Variants in ARID1B observed in about 807,000 individuals in gnomAD.
The protein encoded by ARID1B is AT-rich interactive domain-containing protein 1B.
A neutral mutation model predicts 212.3 loss-of-function variants in ARID1B; 30 were observed. That is an observed-to-expected ratio of 0.14 (90% confidence interval 0.11 to 0.19). The LOEUF is 0.19. Among genes scored for constraint, ARID1B ranks in the 10% least tolerant of loss-of-function variants. The pLI, the probability that ARID1B is intolerant of heterozygous loss-of-function variation, is 1.00. For synonymous variants in ARID1B, 1,402 were observed against 1,301.7 expected (o/e 1.08, Z -1.66); for missense variants, 2,891 against 3,204.0 (o/e 0.90, Z 2.36).
At chr6:157,136,627 C>T (rs1420311307) in intron 7 of ARID1B, among the ~76,000 whole-genome samples, 4 of 152,106 alleles carry the variant, frequency 2.6e-5, no homozygotes, top group African/African-American at 4.8e-5. Flanking sequence ...TTTGGGAGTC[C>T]GAGACGGGTG....
At chr6:156,882,522 C>T (rs1295464553) in intron 2 of ARID1B, among the ~76,000 whole-genome samples, 2 of 152,146 alleles carry the variant, frequency 1.3e-5, no homozygotes, top group East Asian at 1.9e-4. Context: ...GAAAACAAAG[C>T]GTAGCTACAG....
intron 2 of ARID1B, among the ~76,000 whole-genome samples, chr6:156,862,867 A>G (rs1333991142): frequency 2.0e-5 from 3 of 152,264 alleles, no homozygotes; most frequent in Non-Finnish European, 4.4e-5. Flanking sequence ...ATAGTGAATG[A>G]CAGAACAGAT....
chr6:156,885,646 A>G (rs894807296), intron 2 of ARID1B, among the ~76,000 whole-genome samples: 4 of 152,166 alleles, frequency 2.6e-5, no homozygotes, highest in African/African-American at 9.7e-5. Flanking sequence ...AAGGGAAATA[A>G]CTGAATTATT....
rs367616374 is a variant in ARID1B, at chr6:157,207,894, T to C, written c.*3T>C. On this transcript the variant is annotated 3_prime_UTR_variant, in exon 20 of 20. Transcript: ENST00000636930. This position sits in a 1 kb window ranked among gnomAD's most constrained non-coding sequence, Gnocchi z 8.5. ...TGTTTCAGATTGGGCAGTTATGACA[T>C]AAGTGAGAAGGCAAGCATGTGTGAG... 214 of 1,483,040 alleles carry C rather than the reference T, an allele frequency of 1.4e-4. No homozygotes were observed. Among genetic ancestry groups the C allele is most frequent in the Non-Finnish European group, 1.8e-4 (205 of 1,113,604 alleles). 91.9% of individuals were successfully genotyped at this position (1,483,040 alleles called of 1,614,324 possible).
intron 4 of ARID1B, among the ~76,000 whole-genome samples, chr6:156,946,321 G>A (rs1352435122): frequency 6.6e-6 from 1 of 151,986 alleles, no homozygotes; most frequent in Non-Finnish European, 1.5e-5. Context: ...GCCGTGAGCC[G>A]AGATTGTGCC....
chr6:156,785,355 T>C (rs1779560827), intron 1 of ARID1B, among the ~76,000 whole-genome samples: 1 of 152,180 alleles, frequency 6.6e-6, no homozygotes, highest in African/African-American at 2.4e-5. Flanking sequence ...CTTCTCAGTG[T>C]CTTCCTGGGC....
chr6:157,075,453 C>A (rs1784242705), intron 4 of ARID1B, among the ~76,000 whole-genome samples: 2 of 152,008 alleles, frequency 1.3e-5, no homozygotes, highest in African/African-American at 2.4e-5. Flanking sequence ...TATATATCAC[C>A]CAAAATGTTT....
At chr6:156,783,881 C>T (rs1779452638) in intron 1 of ARID1B, among the ~76,000 whole-genome samples, 1 of 152,078 alleles carries the variant, frequency 6.6e-6, no homozygotes, top group Non-Finnish European at 1.5e-5. Context: ...GGAAAAGGGA[C>T]TGATATTTCA....
At chr6:157,007,668 C>T (rs1245251134) in intron 4 of ARID1B, among the ~76,000 whole-genome samples, 1 of 151,132 alleles carries the variant, frequency 6.6e-6, no homozygotes, top group Non-Finnish European at 1.5e-5. Flanking sequence ...TGTGGAACAT[C>T]AGTGTTTTTG....
Position 156,822,501 on chromosome 6 carries a change from G to A in ARID1B, c.1792-6726G>A, listed in dbSNP as rs1262934898. 9.8e-5 allele frequency among the ~76,000 whole-genome samples: 15 copies of A among 152,328 alleles called. No homozygotes were observed. In the East Asian group the frequency reaches 2.9e-3, roughly 29 times the overall value. On this transcript the variant is annotated intron_variant, in intron 1 of 19. Transcript: ENST00000636930. ...CATTGGGCATGAGAGAATCTCTTTG[G>A]CGATTACATTCTGCAGTAGTGGTGG...
At chr6:157,106,742 C>T (rs551037331) in intron 5 of ARID1B, among the ~76,000 whole-genome samples, 28 of 152,270 alleles carry the variant, frequency 1.8e-4, no homozygotes, top group Admixed American at 1.3e-3. Flanking sequence ...GGGGATTACT[C>T]ACCGGTGTTA....
intron 4 of ARID1B, chr6:157,023,534 C>G (rs576062399): frequency 6.6e-6 from 1 of 152,326 alleles, no homozygotes; most frequent in African/African-American, 2.4e-5. Flanking sequence ...TAAAAGATTT[C>G]TCCCCATCGT....
At chr6:157,154,568 G>GGTTTTTTT (rs1554226931) in intron 8 of ARID1B, among the ~76,000 whole-genome samples, 1 of 118,508 alleles carries the variant, frequency 8.4e-6, no homozygotes, top group African/African-American at 3.1e-5. Context: ...CTGCTCTTCT[G>GGTTTTTTT]TTTTTTTTTT....
chr6:157,168,982 A>T (rs7750371), intron 9 of ARID1B: 4,337 of 152,212 alleles, frequency 0.028, 81 homozygotes, highest in Non-Finnish European at 0.044. Context: ...TGGCCATTTC[A>T]CATTGGCTGT....
chr6:156,852,767 T>C (rs979329198), intron 2 of ARID1B, among the ~76,000 whole-genome samples: 1 of 152,254 alleles, frequency 6.6e-6, no homozygotes, highest in Non-Finnish European at 1.5e-5. Flanking sequence ...TTTAGACCTT[T>C]CAGATATTAG....
chr6:157,102,265 G>T (rs554475793), intron 5 of ARID1B, among the ~76,000 whole-genome samples: 1 of 152,066 alleles, frequency 6.6e-6, no homozygotes, highest in Non-Finnish European at 1.5e-5. Flanking sequence ...TATAATTTAC[G>T]CAATTGCATC....
Position 157,190,030 on chromosome 6 carries a change from C to G in ARID1B, c.4059-8C>G. On this transcript the variant is annotated splice_polypyrimidine_tract_variant and splice_region_variant and intron_variant, in intron 14 of 19. Transcript: ENST00000636930. This position sits in a 1 kb window ranked among gnomAD's most constrained non-coding sequence, Gnocchi z 4.6. ...ATCATTAAGCTTTCATTCTTTGCCT[C>G]TCTTCAGAAGCAGTACAATCAGTGT... 1.9e-6 allele frequency: 3 copies of G among 1,612,600 alleles called. No homozygotes were observed. The highest frequency in any genetic ancestry group is 2.5e-6 in the Non-Finnish European group (3 of 1,179,300).
intron 4 of ARID1B, among the ~76,000 whole-genome samples, chr6:156,971,209 C>T (rs1052083805): frequency 6.6e-6 from 1 of 152,192 alleles, no homozygotes; most frequent in Middle Eastern, 3.4e-3. Context: ...TCCTTGTGGT[C>T]TTGGAAAAAA....
rs1461246260 is a variant in ARID1B, at chr6:157,039,630, CTTCCTTCCTTCCTTCT to C, written c.2248-45016_2248-45001del. Among the ~76,000 whole-genome samples, 366 of 123,628 alleles carry C rather than the reference CTTCCTTCCTTCCTTCT, an allele frequency of 3.0e-3. 7 individuals are homozygous for C. The highest frequency in any genetic ancestry group is 8.3e-3 in the African/African-American group (250 of 30,254). The allele number at this position is 123,628 out of a possible 152,430, so 81.1% of individuals were successfully genotyped here. A position where few individuals can be genotyped will look rare whatever the true frequency, so the allele number is the denominator to read the frequency against. Reference sequence around the variant, plus strand: ...AAAAGCTACCTACCTTCCTTCCTTCCTTCCTTCCTTCCTTCTTTCCTTCCTTCCTTCCTTCCTTCCT... The same window carrying C: ...AAAAGCTACCTACCTTCCTTCCTTCCTTCCTTCCTTCCTTCCTTCCTTCCT... On this transcript the variant is annotated intron_variant, in intron 4 of 19. Transcript: ENST00000636930.
Sources: allele counts gnomAD v4.1 joint callset (sites outside exome capture counted in the v4.1 genomes callset), GRCh38; gene constraint gnomAD v4.1.1; non-coding constraint Gnocchi (gnomAD v3.1); transcripts MANE v1.5; gene names NCBI Gene and HGNC (gene_info 2026-07-23, HGNC 2026-07-21).